KMT2C: variants seen among roughly 807,000 people sequenced by gnomAD.
KMT2C encodes the protein lysine methyltransferase 2C, also known as histone-lysine N-methyltransferase 2C.
A neutral mutation model predicts 507.9 loss-of-function variants in KMT2C; 88 were observed. The ratio of observed to expected loss-of-function variants is 0.17; its 90% CI spans 0.15 to 0.21. KMT2C has a LOEUF of 0.21. KMT2C is among the 10% of genes least tolerant of loss of function. The pLI is 1.00. For synonymous variants in KMT2C, 2,049 were observed against 2,080.8 expected (o/e 0.98, Z 0.42); for missense variants, 4,954 against 5,957.8 (o/e 0.83, Z 5.55).
chr7:152,143,514 C>T lies in KMT2C; in HGVS notation c.14343+1199G>A, dbSNP rs10257775. The stretch of plus-strand genomic sequence containing the variant: ...GGGCCCCCGAACCTGCACATCCTAA[C>T]AAGCTCCCAGGTGACACTGCTGCTT... On this transcript the variant is annotated intron_variant, in intron 55 of 58. Transcript: ENST00000262189. Among the ~76,000 whole-genome samples, 1,152 of 152,362 alleles carry T rather than the reference C, an allele frequency of 7.6e-3. 18 individuals carry two copies. Among genetic ancestry groups the T allele is most frequent in the African/African-American group, 0.027 (1,111 of 41,590 alleles).
intron 31 of KMT2C, among the ~76,000 whole-genome samples, chr7:152,191,239 T>C (rs1279624271): frequency 6.6e-6 from 1 of 152,210 alleles, no homozygotes; most frequent in Non-Finnish European, 1.5e-5. Context: ...GTCAAAATAG[T>C]GTATATGTCC....
At chr7:152,321,665 T>C (rs1282037834) in intron 3 of KMT2C, among the ~76,000 whole-genome samples, 10 of 151,914 alleles carry the variant, frequency 6.6e-5, no homozygotes. Flanking sequence ...AATAATCCCA[T>C]TTACAATAGC....
intron 1 of KMT2C, among the ~76,000 whole-genome samples, chr7:152,395,816 A>G (rs1309187543): frequency 6.6e-6 from 1 of 152,204 alleles, no homozygotes; most frequent in African/African-American, 2.4e-5. Flanking sequence ...ATTAATATAT[A>G]TAACTCAGTA....
At chr7:152,157,079 TAAGA>T (rs775168300) in intron 44 of KMT2C, among the ~76,000 whole-genome samples, 1 of 152,062 alleles carries the variant, frequency 6.6e-6, no homozygotes, top group Non-Finnish European at 1.5e-5. Flanking sequence ...GCTTATGAGT[TAAGA>T]TAGTTTTTTT....
At chr7:152,220,884 T>C (rs1211279213) in intron 22 of KMT2C, 149 bp from the exon 23 acceptor site, 1 of 630,052 alleles carries the variant, frequency 1.6e-6, no homozygotes, top group African/African-American at 1.8e-5. Flanking sequence ...ATTAACTTCA[T>C]GATACCCAAT....
intron 1 of KMT2C, among the ~76,000 whole-genome samples, chr7:152,360,559 C>T (rs556591745): frequency 2.6e-5 from 4 of 151,586 alleles, no homozygotes; most frequent in Non-Finnish European, 4.4e-5. Context: ...ACCAGCCGGG[C>T]GTAGTGGCTC....
intron 1 of KMT2C, among the ~76,000 whole-genome samples, chr7:152,392,834 T>A (rs1439443991): frequency 6.6e-6 from 1 of 152,160 alleles, no homozygotes; most frequent in East Asian, 1.9e-4. Context: ...TAATACAATA[T>A]AAGTAAAATA....
intron 1 of KMT2C, among the ~76,000 whole-genome samples, chr7:152,392,118 C>A (rs532089128): frequency 2.0e-4 from 31 of 152,220 alleles, no homozygotes; most frequent in Admixed American, 4.6e-4. Flanking sequence ...TTTTTCTTTG[C>A]CTGCAGTGAA....
chr7:152,409,360 A>G (rs1306768988), intron 1 of KMT2C, among the ~76,000 whole-genome samples: 1 of 152,012 alleles, frequency 6.6e-6, no homozygotes, highest in East Asian at 1.9e-4. Context: ...TGAGCTTTTT[A>G]AAAAATTTCT....
At chr7:152,216,725 C>T (rs1177674252) in intron 23 of KMT2C, among the ~76,000 whole-genome samples, 1 of 152,136 alleles carries the variant, frequency 6.6e-6, no homozygotes, top group African/African-American at 2.4e-5. Flanking sequence ...AGACAATTCC[C>T]TCATCCTAAA....
chr7:152,213,792 G>A lies in KMT2C; in HGVS notation c.3713-6364C>T, dbSNP rs185660337. Among the ~76,000 whole-genome samples, 45 of 150,770 alleles carry A rather than the reference G, an allele frequency of 3.0e-4. No homozygotes were observed. In the East Asian group the frequency reaches 8.1e-3, roughly 27 times the overall value. ...CACCGGGGTGAAAAGGTAGCACAGG[G>A]ATTAGGGGAAAATATTGGCAAACCA... On this transcript the variant is annotated intron_variant, in intron 23 of 58. Coordinates refer to ENST00000262189, the MANE Select transcript of KMT2C (RefSeq NM_170606.3).
chr7:152,269,799 G>T (rs1012960698), intron 7 of KMT2C, among the ~76,000 whole-genome samples: 1 of 152,118 alleles, frequency 6.6e-6, no homozygotes, highest in Admixed American at 6.5e-5. Flanking sequence ...AGGGAGCAAG[G>T]TTCTTATGGC....
At position 152,302,004 on chromosome 7, in the gene KMT2C, A is replaced by C. The variant is rs188697209; in HGVS notation, c.849+7962T>G. Among the ~76,000 whole-genome samples, 81 of 152,322 alleles carry C rather than the reference A, an allele frequency of 5.3e-4. 1 individual carries two copies. In the East Asian group the frequency reaches 0.015, roughly 28 times the overall value. On this transcript the variant is annotated intron_variant, in intron 6 of 58. Coordinates refer to ENST00000262189, the MANE Select transcript of KMT2C (RefSeq NM_170606.3). ...CATTCTTAATGTGAATTGCCACCTT[A>C]CTATAGGAAGGCTATTTTTGTTTCT...
intron 6 of KMT2C, among the ~76,000 whole-genome samples, chr7:152,297,813 GCAGA>G (rs371090944): frequency 4.6e-5 from 7 of 152,176 alleles, no homozygotes; most frequent in African/African-American, 1.2e-4. Flanking sequence ...ATAAAAAGCA[GCAGA>G]CAATCATGAT....
intron 16 of KMT2C, among the ~76,000 whole-genome samples, chr7:152,232,474 A>G (rs1410624736): frequency 1.3e-5 from 2 of 152,204 alleles, no homozygotes; most frequent in Non-Finnish European, 2.9e-5. Flanking sequence ...CATTATATGT[A>G]GTCTATGGGC....
At chr7:152,175,541 C>T (rs1435326607) in intron 38 of KMT2C, among the ~76,000 whole-genome samples, 3 of 149,742 alleles carry the variant, frequency 2.0e-5, no homozygotes, top group African/African-American at 5.0e-5. Flanking sequence ...CTGTTCAACT[C>T]CCACTTATGA....
chr7:152,375,146 G>A (rs553598329), intron 1 of KMT2C, among the ~76,000 whole-genome samples: 6 of 152,256 alleles, frequency 3.9e-5, no homozygotes, highest in African/African-American at 1.4e-4. Context: ...AGGTTCAAGT[G>A]GTTCTCCTGC....
chr7:152,172,929 A>C (rs2093032264), intron 39 of KMT2C, among the ~76,000 whole-genome samples: 1 of 152,192 alleles, frequency 6.6e-6, no homozygotes. Flanking sequence ...AAATTTAATT[A>C]TATTTTAATA....
Position 152,163,552 on chromosome 7 carries a change from G to T in KMT2C, c.10025C>A (p.Ala3342Asp). 1 of 1,609,540 alleles carries T rather than the reference G, an allele frequency of 6.2e-7. No individual in the cohort carries two copies. The highest frequency in any genetic ancestry group is 8.5e-7 in the Non-Finnish European group (1 of 1,177,098). The change falls in exon 43 of 59, where the codon GCC (alanine) becomes GAC (aspartate). Residue 3342 changes from alanine (A) to aspartate (D), a missense_variant. Physicochemically the swap from Ala to Asp is moderately radical, Grantham distance 126. This residue lies in a region of KMT2C where 801 missense variants were observed against 751.2 expected (regional missense o/e 1.07). Coordinates refer to ENST00000262189, the MANE Select transcript of KMT2C (RefSeq NM_170606.3). Reference sequence around the variant, plus strand: ...TCTAGGAGGATTGAGGGGCAGGTGGGCAGGAGCACTGTTGGGTTGCCATCC... The same window carrying T: ...TCTAGGAGGATTGAGGGGCAGGTGGTCAGGAGCACTGTTGGGTTGCCATCC... ...LPGWQPNSAP[A>D]HLPLNPPRIQ... is the part of the protein sequence containing the mutation.
Sources: allele counts gnomAD v4.1 joint callset (sites outside exome capture counted in the v4.1 genomes callset), GRCh38; gene constraint gnomAD v4.1.1; regional missense constraint gnomAD v4.1.1; transcripts MANE v1.5; gene names NCBI Gene and HGNC (gene_info 2026-07-23, HGNC 2026-07-21).